Variants in KIT observed in about 807,000 individuals in gnomAD.
KIT encodes the protein KIT proto-oncogene, receptor tyrosine kinase.
A neutral mutation model predicts 105.7 loss-of-function variants in KIT; 16 were observed. The observed-to-expected ratio is 0.15, with a 90% CI of 0.10 to 0.23. KIT has a LOEUF of 0.23. Ranked by LOEUF, KIT falls within the 10% of genes least tolerant of loss-of-function variation. The probability of loss-of-function intolerance (pLI) is 1.00; values close to 1 mark genes in which losing one functional copy is unlikely to be tolerated. For missense variants in KIT, 858 were observed against 1,213.8 expected (o/e 0.71, Z 4.36); for synonymous variants, 438 against 441.1 (o/e 0.99, Z 0.09).
At chr4:54,715,593 G>A (rs1353383640) in intron 7 of KIT, among the ~76,000 whole-genome samples, 3 of 152,048 alleles carry the variant, frequency 2.0e-5, no homozygotes, top group East Asian at 1.9e-4. Context: ...ATCGGATCTC[G>A]AGGGAGCTAA....
intron 9 of KIT, among the ~76,000 whole-genome samples, chr4:54,726,672 C>T (rs1000471707): frequency 4.6e-5 from 7 of 151,972 alleles, no homozygotes; most frequent in South Asian, 2.1e-4. Flanking sequence ...TTTTTTGAGT[C>T]GGCAAAGACT....
At position 54,739,991 on chromosome 4, in the gene KIT, C is replaced by T. The variant is rs538534252; in HGVS notation, c.*1434C>T. ...TAAATTTTACCCTTTAGACTGTAGC[C>T]TGGATATTATTCTTGTAGTTTACCT... On this transcript the variant is annotated 3_prime_UTR_variant, in exon 21 of 21. Coordinates refer to ENST00000288135, the MANE Select transcript of KIT (RefSeq NM_000222.3). 1 of 233,450 alleles carries T rather than the reference C, an allele frequency of 4.3e-6. No homozygotes were observed. The highest frequency in any genetic ancestry group is 8.5e-6 in the Non-Finnish European group (1 of 117,960). 14.5% of individuals were successfully genotyped at this position (233,450 alleles called of 1,614,324 possible). A position where few individuals can be genotyped will look rare whatever the true frequency, so the allele number is the denominator to read the frequency against.
intron 15 of KIT, 65 bp from the exon 16 acceptor site, chr4:54,731,806 A>ACTGTC: frequency 6.4e-7 from 1 of 1,559,188 alleles, no homozygotes; most frequent in South Asian, 1.1e-5. Flanking sequence ...TGTCATTGCC[A>ACTGTC]CTGTCTTTTC....
intron 1 of KIT, among the ~76,000 whole-genome samples, chr4:54,661,972 C>T (rs1276344211): frequency 1.3e-5 from 2 of 152,092 alleles, no homozygotes; most frequent in African/African-American, 4.8e-5. Flanking sequence ...TCTGATAGCC[C>T]GAGGAGACAT....
chr4:54,735,980 G>T (rs1323259152), intron 17 of KIT, among the ~76,000 whole-genome samples: 1 of 152,128 alleles, frequency 6.6e-6, no homozygotes, highest in Non-Finnish European at 1.5e-5. Context: ...CTAGAGAAGA[G>T]AGGGCAGAGG....
chr4:54,658,443 C>CAAA (rs1716978620), intron 1 of KIT, among the ~76,000 whole-genome samples: 1 of 152,046 alleles, frequency 6.6e-6, no homozygotes, highest in African/African-American at 2.4e-5. Context: ...TTGCACCGAG[C>CAAA]GCCTTCTCTT....
intron 11 of KIT, 122 bp from the exon 12 acceptor site, chr4:54,727,701 A>T: frequency 7.9e-7 from 1 of 1,273,060 alleles, no homozygotes; most frequent in South Asian, 1.2e-5. Context: ...AGAACATCGT[A>T]GGAAAATGTC....
rs552820719 is a variant in KIT, at chr4:54,678,729, C to T, written c.68-16783C>T. On this transcript the variant is annotated intron_variant, in intron 1 of 20. Transcript: ENST00000288135. Reference sequence around the variant, plus strand: ...TCCAGTGTCTGATCCTCCTTCTAAACTTTCCAATATTGCTGAGTAAAGTTA... The same window carrying T: ...TCCAGTGTCTGATCCTCCTTCTAAATTTTCCAATATTGCTGAGTAAAGTTA... 1.1e-4 allele frequency among the ~76,000 whole-genome samples: 17 copies of T among 152,214 alleles called. No homozygotes were observed. In the South Asian group the frequency reaches 2.3e-3, roughly 20 times the overall value.
intron 3 of KIT, 151 bp from the exon 4 acceptor site, chr4:54,699,479 T>C: frequency 1.3e-6 from 1 of 787,582 alleles, no homozygotes; most frequent in East Asian, 2.7e-5. Context: ...TACCTTCAGA[T>C]ATGCAAGTAG....
rs193029713 is a variant in KIT, at chr4:54,715,570, G to A, written c.1231+6031G>A. Among the ~76,000 whole-genome samples the A allele has an allele frequency of 8.5e-5, 13 of 152,122 alleles. No homozygotes were observed. The East Asian group carries it at 2.5e-3, about 30-fold the overall frequency. On this transcript the variant is annotated intron_variant, in intron 7 of 20. Transcript: ENST00000288135. ...AGAGAGAGGAGAAGAAGGGTGCCAG[G>A]TTGTTTTTAAAAATCGGATCTCGAG...
At position 54,737,284 on chromosome 4, in the gene KIT, A is replaced by G. The variant is rs752009677; in HGVS notation, c.2802+4A>G. 6.3e-7 allele frequency: 1 copy of G among 1,584,776 alleles called. No homozygotes were observed. The highest frequency in any genetic ancestry group is 1.1e-5 in the South Asian group (1 of 90,506). Reference sequence around the variant, plus strand: ...GATTTCAGAGAGCACCAATCATGTGAGTATACCCTGGCCAGGCATAGAATC... The same window carrying G: ...GATTTCAGAGAGCACCAATCATGTGGGTATACCCTGGCCAGGCATAGAATC... On this transcript the variant is annotated splice_donor_region_variant and intron_variant, in intron 20 of 20. Coordinates refer to ENST00000288135, the MANE Select transcript of KIT (RefSeq NM_000222.3).
chr4:54,664,671 G>A (rs1384735720), intron 1 of KIT, among the ~76,000 whole-genome samples: 2 of 151,688 alleles, frequency 1.3e-5, no homozygotes, highest in African/African-American at 2.4e-5. Flanking sequence ...GCAGTGGCAC[G>A]ATCATAGTTC....
intron 17 of KIT, among the ~76,000 whole-genome samples, chr4:54,735,144 T>C (rs1722849888): frequency 6.6e-6 from 1 of 152,156 alleles, no homozygotes; most frequent in South Asian, 2.1e-4. Context: ...CTGCGTTTTA[T>C]CACCTTTGTT....
At chr4:54,733,480 A>G (rs1290980126) in intron 17 of KIT, 2 of 345,046 alleles carry the variant, frequency 5.8e-6, no homozygotes, top group Non-Finnish European at 1.1e-5. Flanking sequence ...AATGAACTTG[A>G]TTTTGCTCAA....
intron 4 of KIT, among the ~76,000 whole-genome samples, chr4:54,701,915 C>G (rs1317673788): frequency 2.6e-5 from 4 of 152,164 alleles, no homozygotes; most frequent in African/African-American, 9.7e-5. Flanking sequence ...TTAGAAGACT[C>G]TCTTAGAAGG....
intron 16 of KIT, among the ~76,000 whole-genome samples, chr4:54,732,569 A>G (rs986184735): frequency 6.6e-6 from 1 of 152,158 alleles, no homozygotes; most frequent in Non-Finnish European, 1.5e-5. Flanking sequence ...GATTAACCGA[A>G]CAGAATGAGT....
intron 11 of KIT, 78 bp downstream of exon 11, chr4:54,727,620 CCTTT>C (rs1560417835): frequency 5.1e-6 from 8 of 1,576,922 alleles, no homozygotes; most frequent in East Asian, 2.2e-5. Context: ...CCAGTGGCTT[CCTTT>C]GTTTTGTTCC....
rs1720618538 is a variant in KIT, at chr4:54,703,908, G to A, written c.925+16G>A. ...GAAGTAGTAGGTAAATACCTCTATGGGAATGTTTAAATTACTGGCAGTAGT... is the reference window on the plus strand; with the variant it reads ...GAAGTAGTAGGTAAATACCTCTATGAGAATGTTTAAATTACTGGCAGTAGT... On this transcript the variant is annotated intron_variant, in intron 5 of 20. Transcript: ENST00000288135. The A allele has an allele frequency of 5.0e-6, 8 of 1,596,810 alleles. No individual in the cohort carries two copies. The highest frequency in any genetic ancestry group is 6.9e-6 in the Non-Finnish European group (8 of 1,164,418).
intron 1 of KIT, among the ~76,000 whole-genome samples, chr4:54,672,356 T>C (rs1207165283): frequency 6.6e-6 from 1 of 152,208 alleles, no homozygotes; most frequent in Non-Finnish European, 1.5e-5. Context: ...CTTGTTCTGC[T>C]TTCTCTTTTT....
Sources: gnomAD v4.1 joint callset for allele counts (sites outside exome capture counted in the v4.1 genomes callset) on GRCh38, gnomAD v4.1.1 for gene constraint, MANE v1.5 for transcripts, NCBI Gene and HGNC (gene_info 2026-07-23, HGNC 2026-07-21) for gene names.